The following GALNT2 variants were observed in gnomAD, a reference collection of about 807,000 sequenced individuals.
GALNT2 encodes UDP-GalNAc:polypeptide N-acetylgalactosaminyltransferase 2.
Under a neutral mutation model 81.4 loss-of-function variants are expected in GALNT2, and 31 were observed. That is an observed-to-expected ratio of 0.38 (90% CI 0.29 to 0.51). GALNT2 has a LOEUF of 0.51. Among genes scored for constraint, GALNT2 ranks in the 20% least tolerant of loss-of-function variants. The pLI is 0.87. For synonymous variants in GALNT2, 303 were observed against 287.4 expected, an observed-to-expected ratio of 1.05 and a Z score of -0.55; for missense variants, 629 against 765.7, an observed-to-expected ratio of 0.82 and a Z score of 2.11.
intron 3 of GALNT2, among the ~76,000 whole-genome samples, chr1:230,203,809 A>G (rs1473780917): frequency 6.6e-6 from 1 of 152,136 alleles, no homozygotes; most frequent in Non-Finnish European, 1.5e-5. Flanking sequence ...TACTAAAGGA[A>G]GGGCTCTTGT....
chr1:230,231,234 T>G (rs998877274), intron 3 of GALNT2, among the ~76,000 whole-genome samples: 1 of 152,240 alleles, frequency 6.6e-6, no homozygotes, highest in East Asian at 1.9e-4. Flanking sequence ...AAAGTGACCT[T>G]GACAGTTTTC....
At chr1:230,091,157 C>T (rs760219481) in intron 1 of GALNT2, among the ~76,000 whole-genome samples, 74 of 152,042 alleles carry the variant, frequency 4.9e-4, no homozygotes, top group Non-Finnish European at 9.6e-4. Flanking sequence ...CAGCCTCCGC[C>T]TCCTGGGTTC....
intron 1 of GALNT2, among the ~76,000 whole-genome samples, chr1:230,109,071 T>A (rs1183685961): frequency 6.6e-6 from 1 of 152,202 alleles, no homozygotes; most frequent in Non-Finnish European, 1.5e-5. Flanking sequence ...ATCCTACTCT[T>A]CTCTATCTCA....
chr1:230,137,920 C>T (rs979172829), intron 1 of GALNT2, among the ~76,000 whole-genome samples: 6 of 152,146 alleles, frequency 3.9e-5, no homozygotes, highest in African/African-American at 7.2e-5. Flanking sequence ...GCATTATTAT[C>T]GTTTCCTAGG....
At chr1:230,191,157 A>G (rs867701446) in intron 2 of GALNT2, among the ~76,000 whole-genome samples, 1 of 152,196 alleles carries the variant, frequency 6.6e-6, no homozygotes, top group African/African-American at 2.4e-5. Flanking sequence ...CTTAAGCTTT[A>G]TTAGTCGAAA....
intron 1 of GALNT2, chr1:230,058,168 T>A (rs1658961275): frequency 2.2e-6 from 1 of 453,638 alleles, no homozygotes; most frequent in South Asian, 1.6e-5. Context: ...TTCCTAGCAC[T>A]CCTGACACTG....
intron 1 of GALNT2, among the ~76,000 whole-genome samples, chr1:230,147,375 A>C (rs1284822520): frequency 3.9e-5 from 6 of 152,132 alleles, no homozygotes; most frequent in Non-Finnish European, 8.8e-5. Flanking sequence ...AAAGCCGCCT[A>C]CTTTGGGGTT....
At chr1:230,136,872 C>T (rs188585340) in intron 1 of GALNT2, among the ~76,000 whole-genome samples, 3 of 152,162 alleles carry the variant, frequency 2.0e-5, no homozygotes, top group Non-Finnish European at 4.4e-5. Context: ...ACCGAAGAGC[C>T]GGCCGTCTGT....
chr1:230,262,194 G>A (rs541455110), intron 11 of GALNT2: 73 of 184,984 alleles, frequency 3.9e-4, no homozygotes, highest in Non-Finnish European at 7.0e-4. Context: ...CTGTGGCCCC[G>A]GCCCTCTGTG....
intron 3 of GALNT2, among the ~76,000 whole-genome samples, chr1:230,233,288 T>C (rs545893974): frequency 6.6e-6 from 1 of 152,352 alleles, no homozygotes; most frequent in South Asian, 2.1e-4. Flanking sequence ...AGATAATTCA[T>C]GGCTCTGGCA....
chr1:230,111,024 T>G (rs904076579), intron 1 of GALNT2, among the ~76,000 whole-genome samples: 2 of 152,250 alleles, frequency 1.3e-5, no homozygotes, highest in Non-Finnish European at 2.9e-5. Flanking sequence ...TGCATGCGTG[T>G]GTACGTATAT....
intron 1 of GALNT2, among the ~76,000 whole-genome samples, chr1:230,155,047 G>A (rs1490865339): frequency 6.6e-6 from 1 of 152,164 alleles, no homozygotes; most frequent in Non-Finnish European, 1.5e-5. Flanking sequence ...CTGGGGCTGG[G>A]GCTTTGGTTT....
At chr1:230,094,743 C>T (rs1017138201) in intron 1 of GALNT2, among the ~76,000 whole-genome samples, 1 of 152,144 alleles carries the variant, frequency 6.6e-6, no homozygotes, top group Non-Finnish European at 1.5e-5. Context: ...GAAACAGAGC[C>T]AGACAGTTTG....
intron 3 of GALNT2, among the ~76,000 whole-genome samples, chr1:230,204,849 C>T (rs540768330): frequency 2.6e-5 from 4 of 152,300 alleles, no homozygotes; most frequent in African/African-American, 9.6e-5. Context: ...TAGCATTTCA[C>T]CCAGAAAAAT....
chr1:230,143,422 G>A (rs6665367), intron 1 of GALNT2, among the ~76,000 whole-genome samples: 117,670 of 152,106 alleles, frequency 0.77, 46,064 homozygotes, highest in Admixed American at 0.8. Context: ...AACAAGGTGT[G>A]GTGTGTGCAG....
At chr1:230,095,233 T>C (rs2102771195) in intron 1 of GALNT2, among the ~76,000 whole-genome samples, 1 of 152,212 alleles carries the variant, frequency 6.6e-6, no homozygotes, top group African/African-American at 2.4e-5. Flanking sequence ...TTGGGTGGAC[T>C]TCAGGGTGAC....
rs1663962853 is a variant in GALNT2 at position 230,203,276 on chromosome 1, C to T, written c.360C>T (p.Asp120=). The change falls in exon 3 of 16, where the codon GAC becomes GAT. Residue 120 remains aspartate, a synonymous_variant. Transcript: ENST00000366672. ...DKLRMDRAIP[D]TRHDQCQRKQ... ...TTCGAATGGACAGAGCCATCCCTGA[C>T]ACCCGGCATGACCAGTAAGTACCCC... 2 of 1,614,110 alleles carry T rather than the reference C, an allele frequency of 1.2e-6. No individual in the cohort carries two copies. Among genetic ancestry groups the T allele is most frequent in the Non-Finnish European group, 1.7e-6 (2 of 1,179,982 alleles).
chr1:230,258,005 C>G (rs551567), intron 11 of GALNT2, among the ~76,000 whole-genome samples: 1 of 152,178 alleles, frequency 6.6e-6, no homozygotes, highest in African/African-American at 2.4e-5. Flanking sequence ...ACCTCCACTT[C>G]CCAGATTCAA....
intron 1 of GALNT2, among the ~76,000 whole-genome samples, chr1:230,141,787 C>A (rs890154560): frequency 1.3e-5 from 1 of 77,380 alleles, no homozygotes; most frequent in Non-Finnish European, 2.7e-5. Flanking sequence ...CTTTTGTTTT[C>A]CTTTTTTTTT....
Sources: gnomAD v4.1 joint callset for allele counts (sites outside exome capture counted in the v4.1 genomes callset) on GRCh38, gnomAD v4.1.1 for gene constraint, MANE v1.5 for transcripts, NCBI Gene and HGNC (gene_info 2026-07-23, HGNC 2026-07-21) for gene names.